KIAA0319: variants seen among roughly 807,000 people sequenced by gnomAD.
KIAA0319 encodes KIAA0319, also known as dyslexia-associated protein KIAA0319.
A neutral mutation model predicts 108.4 loss-of-function variants in KIAA0319; 83 were observed. That is an observed-to-expected ratio of 0.77 (90% CI 0.64 to 0.92). KIAA0319 has a LOEUF of 0.92. KIAA0319 is among the 40% of genes least tolerant of loss of function. KIAA0319 has a pLI of 0.00. For synonymous variants in KIAA0319, 484 were observed against 510.4 expected (o/e 0.95, Z 0.70); for missense variants, 1,195 against 1,322.4 (o/e 0.90, Z 1.49).
At position 24,574,330 on chromosome 6, in the gene KIAA0319, G is replaced by A. The variant is rs530033492; in HGVS notation, c.1735-1632C>T. 2.1e-4 allele frequency among the ~76,000 whole-genome samples: 32 copies of A among 151,248 alleles called. No homozygotes were observed. In the East Asian group the frequency reaches 5.5e-3, roughly 26 times the overall value. Reference sequence around the variant, plus strand: ...TGTGTGCCTGTGGTCCTAGCTACTCGGGAGGCTGAGATGGGAGGATCTTTT... The same window carrying A: ...TGTGTGCCTGTGGTCCTAGCTACTCAGGAGGCTGAGATGGGAGGATCTTTT... On this transcript the variant is annotated intron_variant, in intron 10 of 20. Transcript: ENST00000378214.
intron 1 of KIAA0319, among the ~76,000 whole-genome samples, chr6:24,613,111 T>C (rs527251634): frequency 6.6e-6 from 1 of 152,326 alleles, no homozygotes; most frequent in Non-Finnish European, 1.5e-5. Flanking sequence ...TGTGAATGTT[T>C]TTAATATTTA....
chr6:24,561,760 C>T (rs779123710), intron 16 of KIAA0319, among the ~76,000 whole-genome samples: 3 of 151,958 alleles, frequency 2.0e-5, no homozygotes, highest in Non-Finnish European at 4.4e-5. Flanking sequence ...GGCTGAAGTG[C>T]AGTGGCGCGA....
intron 1 of KIAA0319, among the ~76,000 whole-genome samples, chr6:24,603,472 G>A (rs774603855): frequency 6.6e-6 from 1 of 152,198 alleles, no homozygotes; most frequent in Non-Finnish European, 1.5e-5. Flanking sequence ...TTGCAAGATG[G>A]TATGTTGTAA....
At chr6:24,554,673 T>G (rs1762047670) in intron 18 of KIAA0319, 42 bp from the exon 19 acceptor site, 6 of 1,347,412 alleles carry the variant, frequency 4.5e-6, no homozygotes, top group Non-Finnish European at 6.4e-6. Flanking sequence ...TTACAGGCTA[T>G]TTGTAGAACA....
At chr6:24,633,559 G>C (rs1214605547) in intron 1 of KIAA0319, among the ~76,000 whole-genome samples, 1 of 151,796 alleles carries the variant, frequency 6.6e-6, no homozygotes, top group Non-Finnish European at 1.5e-5. Flanking sequence ...CAGGAGTTTG[G>C]GATCAGCCTG....
chr6:24,609,813 G>C (rs1772038593), intron 1 of KIAA0319, among the ~76,000 whole-genome samples: 1 of 151,808 alleles, frequency 6.6e-6, no homozygotes, highest in African/African-American at 2.4e-5. Flanking sequence ...TTTTGACAAG[G>C]GTTCCAGGAC....
intron 1 of KIAA0319, among the ~76,000 whole-genome samples, chr6:24,633,815 A>C (rs1487938233): frequency 6.6e-6 from 1 of 152,176 alleles, no homozygotes; most frequent in African/African-American, 2.4e-5. Flanking sequence ...TTTTATTCGG[A>C]CTTATTCTAC....
chr6:24,564,058 A>G, intron 15 of KIAA0319, 144 bp downstream of exon 15: 5 of 847,714 alleles, frequency 5.9e-6, no homozygotes, highest in Non-Finnish European at 9.2e-6. Flanking sequence ...AACAAGGTGT[A>G]AGAGACATCC....
At chr6:24,613,324 G>A (rs958834999) in intron 1 of KIAA0319, among the ~76,000 whole-genome samples, 1 of 151,956 alleles carries the variant, frequency 6.6e-6, no homozygotes, top group Non-Finnish European at 1.5e-5. Flanking sequence ...ATACAGTGCA[G>A]GATTCCCAGG....
intron 20 of KIAA0319, among the ~76,000 whole-genome samples, chr6:24,550,173 G>A (rs895515411): frequency 1.3e-5 from 2 of 152,194 alleles, no homozygotes; most frequent in African/African-American, 4.8e-5. Flanking sequence ...ATTCTGACCT[G>A]AGTGTTCCTA....
At chr6:24,562,774 G>A (rs1194706810) in intron 16 of KIAA0319, among the ~76,000 whole-genome samples, 2 of 152,146 alleles carry the variant, frequency 1.3e-5, no homozygotes, top group Non-Finnish European at 2.9e-5. Flanking sequence ...GAAAGGCGGA[G>A]GTTACAGTAA....
At position 24,587,030 on chromosome 6, in the gene KIAA0319, A is replaced by G. The variant is rs79218833; in HGVS notation, c.994+1563T>C. Among the ~76,000 whole-genome samples, 1,068 of 151,870 alleles carry G rather than the reference A, an allele frequency of 7.0e-3. 15 individuals are homozygous for G. Among genetic ancestry groups the G allele is most frequent in the African/African-American group, 0.024 (1,001 of 41,410 alleles). On this transcript the variant is annotated intron_variant, in intron 4 of 20. Transcript: ENST00000378214. ...CCGTGTCTGCAACTATCACCTCCAC[A>G]CCGATGACTCGTAATCCTTTATCTT...
chr6:24,608,930 CAAAAAA>C (rs57120652), intron 1 of KIAA0319, among the ~76,000 whole-genome samples: 1,788 of 29,886 alleles, frequency 0.06, 18 homozygotes, highest in Middle Eastern at 0.35. Context: ...GACTCCGTCT[CAAAAAA>C]AAAAAAAAAA....
intron 1 of KIAA0319, among the ~76,000 whole-genome samples, chr6:24,643,878 G>A (rs1195560975): frequency 3.3e-5 from 5 of 152,230 alleles, no homozygotes; most frequent in African/African-American, 1.2e-4. Flanking sequence ...AGGAAACTGA[G>A]CCTTAGAGGG....
chr6:24,541,732 A>G (rs1407209486), downstream of KIAA0319, among the ~76,000 whole-genome samples: 1 of 152,210 alleles, frequency 6.6e-6, no homozygotes, highest in Non-Finnish European at 1.5e-5. Context: ...GGGGAGGAAG[A>G]GGTTGCAGTG....
At chr6:24,570,602 A>T (rs115960026) in intron 11 of KIAA0319, among the ~76,000 whole-genome samples, 1 of 142,368 alleles carries the variant, frequency 7.0e-6, no homozygotes, top group East Asian at 2.1e-4. Flanking sequence ...AAAAATCGTC[A>T]TAGGGTGAAA....
At chr6:24,606,320 T>C (rs1359821465) in intron 1 of KIAA0319, among the ~76,000 whole-genome samples, 1 of 152,228 alleles carries the variant, frequency 6.6e-6, no homozygotes, top group Non-Finnish European at 1.5e-5. Flanking sequence ...CGATCATGCA[T>C]GACCCCTAGG....
At position 24,639,607 on chromosome 6, in the gene KIAA0319, T is replaced by C. The variant is rs936549995; in HGVS notation, c.-106+6129A>G. 2.0e-5 allele frequency among the ~76,000 whole-genome samples: 3 copies of C among 152,144 alleles called. No homozygotes were observed. The South Asian group carries it at 6.2e-4, about 32-fold the overall frequency. ...GCTCACGCCTGTAATCCTAACACTT[T>C]GGGAGGCCAAGGCGGGCAGATCACG... On this transcript the variant is annotated intron_variant, in intron 1 of 20. Transcript: ENST00000378214.
rs1432437087 is a variant in KIAA0319, at chr6:24,556,690, G to A, written c.2774C>T (p.Pro925Leu). 1 of 1,613,992 alleles carries A rather than the reference G, an allele frequency of 6.2e-7. No homozygotes were observed. The highest frequency in any genetic ancestry group is 2.2e-5 in the East Asian group (1 of 44,882). ...LKCSGHGHCD[P>L]LTKRCICSHL... ...AGAGCAAATGCAGCGCTTTGTGAGG[G>A]GGTCGCAGTGACCATGGCCAGAACA... Residue 925 changes from proline (P) to leucine (L), a missense_variant, in exon 18 of 21, where the codon CCC becomes CTC. Pro to Leu is a moderately conservative substitution (Grantham distance 98, BLOSUM62 -3). Coordinates refer to ENST00000378214, the MANE Select transcript of KIAA0319 (RefSeq NM_014809.4).
Sources: gnomAD v4.1 joint callset for allele counts (sites outside exome capture counted in the v4.1 genomes callset) on GRCh38, gnomAD v4.1.1 for gene constraint, MANE v1.5 for transcripts, NCBI Gene and HGNC (gene_info 2026-07-23, HGNC 2026-07-21) for gene names.